The following NUCB2 variants were observed in gnomAD, a reference collection of about 807,000 sequenced individuals.
The protein encoded by NUCB2 is nucleobindin-2.
Under a neutral mutation model 57.9 loss-of-function variants are expected in NUCB2, and 48 were observed. The observed-to-expected ratio is 0.83, with a 90% CI of 0.66 to 1.05. The LOEUF (loss-of-function observed/expected upper bound fraction) is 1.05, where lower values mean the gene tolerates loss of function less well. NUCB2 is among the 50% of genes least tolerant of loss of function. The pLI, the probability that NUCB2 is intolerant of heterozygous loss-of-function variation, is 0.00. For synonymous variants in NUCB2, 139 were observed against 152.1 expected, an observed-to-expected ratio of 0.91 and a Z score of 0.64; for missense variants, 442 against 476.2, an observed-to-expected ratio of 0.93 and a Z score of 0.67.
rs974522698 is a variant in NUCB2, at chr11:17,276,756, C to T, written c.-228C>T. 3.9e-5 allele frequency: 6 copies of T among 152,518 alleles called. No individual in the cohort carries two copies. The highest frequency in any genetic ancestry group is 7.2e-5 in the African/African-American group (3 of 41,420). The allele number at this position is 152,518 out of a possible 1,614,324, so 9.4% of individuals were successfully genotyped here. ...GGAGGGGCAGAGCGGAGCGGTGGGC[C>T]GGGGGCTGGAGGACAGGTTTGTGCG... On this transcript the variant is annotated 5_prime_UTR_variant, in exon 1 of 14. Coordinates refer to ENST00000529010, the MANE Select transcript of NUCB2 (RefSeq NM_005013.4).
chr11:17,300,849 T>C lies in NUCB2; in HGVS notation c.253-895T>C, dbSNP rs181859803. On this transcript the variant is annotated intron_variant, in intron 4 of 13. Coordinates refer to ENST00000529010, the MANE Select transcript of NUCB2 (RefSeq NM_005013.4). Reference sequence around the variant, plus strand: ...TTTCTGAGGAACTGCCAAACTGTTTTCTGAAGTGGCTACACCATTTTACAA... The same window carrying C: ...TTTCTGAGGAACTGCCAAACTGTTTCCTGAAGTGGCTACACCATTTTACAA... Among the ~76,000 whole-genome samples, 713 of 152,292 alleles carry C rather than the reference T, an allele frequency of 4.7e-3. 9 individuals carry two copies. Among genetic ancestry groups the C allele is most frequent in the African/African-American group, 0.016 (673 of 41,554 alleles).
At chr11:17,333,884 C>A (rs1342869108), downstream of NUCB2, 1 of 152,190 alleles carries the variant, frequency 6.6e-6, no homozygotes, top group African/African-American at 2.4e-5. Flanking sequence ...TTTTCCCTTG[C>A]GTCACTGCAG....
At chr11:17,336,123 AG>A (rs1951783490), downstream of NUCB2, among the ~76,000 whole-genome samples, 1 of 151,740 alleles carries the variant, frequency 6.6e-6, no homozygotes, top group Admixed American at 6.6e-5. Flanking sequence ...TTTTATTTTT[AG>A]TAGAGTCAGG....
At chr11:17,329,132 C>T (rs1951064647) in intron 11 of NUCB2, among the ~76,000 whole-genome samples, 1 of 152,170 alleles carries the variant, frequency 6.6e-6, no homozygotes, top group Admixed American at 6.5e-5. Context: ...GCCTGGTGTC[C>T]TATCCTACTA....
chr11:17,305,741 C>T (rs1947521560), intron 5 of NUCB2, among the ~76,000 whole-genome samples: 1 of 152,006 alleles, frequency 6.6e-6, no homozygotes. Context: ...CACACTTCAG[C>T]CTCCTGAGTA....
intron 4 of NUCB2, among the ~76,000 whole-genome samples, chr11:17,299,995 TG>T (rs1243961177): frequency 1.3e-5 from 2 of 151,848 alleles, no homozygotes; most frequent in Admixed American, 6.6e-5. Context: ...TAAAATTCAG[TG>T]TCTTTTTGTC....
At chr11:17,336,103 C>T (rs140868642), downstream of NUCB2, among the ~76,000 whole-genome samples, 97 of 152,104 alleles carry the variant, frequency 6.4e-4, 1 homozygote, top group Middle Eastern at 3.4e-3. Flanking sequence ...TCACCACACC[C>T]AGCTAATTTT....
In NUCB2 at chr11:17,330,391, G is replaced by A. The variant is rs929146456; in HGVS notation, c.1173+94G>A. The A allele has an allele frequency of 5.0e-6, 4 of 801,686 alleles. No homozygotes were observed. The highest frequency in any genetic ancestry group is 7.8e-6 in the Non-Finnish European group (4 of 512,230). The allele number at this position is 801,686 out of a possible 1,614,324, so 49.7% of individuals were successfully genotyped here. ...GTAACATATTTCATTGTACTATATAGTACACTGCTATAGCTATACTATAGT... is the reference window on the plus strand; with the variant it reads ...GTAACATATTTCATTGTACTATATAATACACTGCTATAGCTATACTATAGT... On this transcript the variant is annotated intron_variant, in intron 12 of 13. Transcript: ENST00000529010. The surrounding 1 kb of genome is among the most constrained non-coding windows in gnomAD (Gnocchi z 4.3).
chr11:17,313,266 A>C (rs1286275638), intron 10 of NUCB2, among the ~76,000 whole-genome samples: 1 of 152,010 alleles, frequency 6.6e-6, no homozygotes, highest in Non-Finnish European at 1.5e-5. Context: ...ATGATAGCTC[A>C]TGCCTATAAT....
intron 11 of NUCB2, among the ~76,000 whole-genome samples, chr11:17,318,162 G>GCA (rs1173095012): frequency 4.6e-5 from 7 of 151,710 alleles, no homozygotes; most frequent in African/African-American, 1.7e-4. Context: ...CCACAGGCAT[G>GCA]CACCACCATG....
chr11:17,282,651 C>T (rs1942952227), intron 1 of NUCB2, 138 bp from the exon 2 acceptor site: 1 of 152,108 alleles, frequency 6.6e-6, no homozygotes, highest in African/African-American at 2.4e-5. Context: ...TAGTCTCCTT[C>T]CACATCATAA....
In NUCB2 at chr11:17,324,198, T is replaced by C. The variant is rs183572303; in HGVS notation, c.1003-5929T>C. Among the ~76,000 whole-genome samples the C allele has an allele frequency of 2.3e-3, 354 of 152,300 alleles. 2 individuals are homozygous for C. The highest frequency in any genetic ancestry group is 8.1e-3 in the African/African-American group (336 of 41,572). ...ATATAGACAGTTATAACTATAATTT[T>C]CCCTCTTAGTACTACATTTGCTTTA... On this transcript the variant is annotated intron_variant, in intron 11 of 13. Coordinates refer to ENST00000529010, the MANE Select transcript of NUCB2 (RefSeq NM_005013.4).
chr11:17,332,409 A>C (rs1031331716), downstream of NUCB2: 6 of 151,772 alleles, frequency 4.0e-5, no homozygotes, highest in African/African-American at 1.5e-4. Context: ...TTACTAAGGA[A>C]GAAGGGAAGA....
chr11:17,338,640 C>T (rs1386225973), intron 2 of NUCB2, among the ~76,000 whole-genome samples: 1 of 152,012 alleles, frequency 6.6e-6, no homozygotes, highest in Non-Finnish European at 1.5e-5. Context: ...ATAATTTTGG[C>T]TACTCTGTAG....
rs1160085532 is a variant in NUCB2 at position 17,311,117 on chromosome 11, TC to T, written c.670-74del. On this transcript the variant is annotated intron_variant, in intron 7 of 13. Transcript: ENST00000529010. Reference sequence around the variant, plus strand: ...TTAAATCTTGATTCTTCTGCCAAGTTCCTCAAATTTATATTTTGAGTCTGTA... The same window carrying T: ...TTAAATCTTGATTCTTCTGCCAAGTTCTCAAATTTATATTTTGAGTCTGTA... 2.8e-6 allele frequency: 4 copies of T among 1,424,644 alleles called. No homozygotes were observed. The East Asian group carries it at 9.2e-5, about 33-fold the overall frequency. 88.3% of individuals were successfully genotyped at this position (1,424,644 alleles called of 1,614,324 possible).
At chr11:17,345,461 T>C (rs747597790) in intron 2 of NUCB2, among the ~76,000 whole-genome samples, 25 of 152,092 alleles carry the variant, frequency 1.6e-4, no homozygotes, top group African/African-American at 4.3e-4. Flanking sequence ...GTAATCCCAG[T>C]ACTTTGGGAG....
chr11:17,292,387 G>C (rs528947526), intron 2 of NUCB2, among the ~76,000 whole-genome samples: 1 of 152,262 alleles, frequency 6.6e-6, no homozygotes, highest in Admixed American at 6.5e-5. Flanking sequence ...TCTCATTGTA[G>C]GTGAGGTTGG....
chr11:17,293,924 G>A (rs1255147718), intron 2 of NUCB2, among the ~76,000 whole-genome samples: 1 of 152,100 alleles, frequency 6.6e-6, no homozygotes, highest in African/African-American at 2.4e-5. Flanking sequence ...TAATGGGTAT[G>A]GGGTTTCTTT....
At chr11:17,294,083 G>T (rs528636766) in intron 2 of NUCB2, among the ~76,000 whole-genome samples, 10 of 152,320 alleles carry the variant, frequency 6.6e-5, no homozygotes, top group Non-Finnish European at 1.0e-4. Flanking sequence ...ACCTATGTAT[G>T]TGTGGACAAG....
Sources: gnomAD v4.1 joint callset for allele counts (sites outside exome capture counted in the v4.1 genomes callset) on GRCh38, gnomAD v4.1.1 for gene constraint, Gnocchi (gnomAD v3.1) non-coding constraint, MANE v1.5 for transcripts, NCBI Gene and HGNC (gene_info 2026-07-23, HGNC 2026-07-21) for gene names.